TEX48: variants seen among roughly 807,000 people sequenced by gnomAD.
TEX48 encodes testis-expressed protein 48.
A neutral mutation model predicts 13.2 loss-of-function variants in TEX48; 10 were observed. The observed-to-expected ratio is 0.75, with a 90% CI of 0.47 to 1.28. The LOEUF (loss-of-function observed/expected upper bound fraction) is 1.28. Ranked by LOEUF, TEX48 falls within the 50% of genes most tolerant of loss-of-function variation. The pLI is 0.00. For synonymous variants in TEX48, 45 were observed against 52.3 expected (o/e 0.86, Z 0.60); for missense variants, 116 against 139.4 (o/e 0.83, Z 0.84).
At chr9:114,667,927 A>AAAAAG (rs71492790) in intron 4 of TEX48, among the ~76,000 whole-genome samples, 1 of 150,798 alleles carries the variant, frequency 6.6e-6, no homozygotes, top group Non-Finnish European at 1.5e-5. Flanking sequence ...AAAAAAAAAA[A>AAAAAG]GATGATGCCA....
At chr9:114,680,121 CTT>C (rs1222465975) in intron 1 of TEX48, among the ~76,000 whole-genome samples, 2 of 44,592 alleles carry the variant, frequency 4.5e-5, no homozygotes, top group Non-Finnish European at 4.1e-5. Context: ...GTCATTGTCC[CTT>C]TTTTTTTTTT....
chr9:114,676,783 A>G (rs1828080571), intron 1 of TEX48, among the ~76,000 whole-genome samples: 1 of 151,626 alleles, frequency 6.6e-6, no homozygotes, highest in Non-Finnish European at 1.5e-5. Flanking sequence ...CGCCTGGCTA[A>G]TTTTTTGTAT....
At chr9:114,676,709 C>T (rs563349612) in intron 1 of TEX48, among the ~76,000 whole-genome samples, 2 of 151,950 alleles carry the variant, frequency 1.3e-5, no homozygotes, top group East Asian at 1.9e-4. Context: ...CTCCGCCTCC[C>T]GGGTTCACGC....
chr9:114,667,154 A>G (rs1382842500), intron 4 of TEX48, among the ~76,000 whole-genome samples: 1 of 152,166 alleles, frequency 6.6e-6, no homozygotes, highest in Non-Finnish European at 1.5e-5. Context: ...TACCTTCTCA[A>G]GCTTGATTCA....
chr9:114,679,729 T>G (rs978124242), intron 1 of TEX48, among the ~76,000 whole-genome samples: 1 of 152,194 alleles, frequency 6.6e-6, no homozygotes, highest in Non-Finnish European at 1.5e-5. Flanking sequence ...GAAACCCTTC[T>G]TGGGGGTTTA....
At chr9:114,675,562 C>T (rs1185734785) in intron 1 of TEX48, among the ~76,000 whole-genome samples, 3 of 152,174 alleles carry the variant, frequency 2.0e-5, no homozygotes, top group African/African-American at 7.2e-5. Context: ...TTGCCATTTC[C>T]TTCACCGTAG....
At chr9:114,681,894 G>A (rs1828208425) in intron 1 of TEX48, 141 bp downstream of exon 1, 1 of 152,342 alleles carries the variant, frequency 6.6e-6, no homozygotes, top group Non-Finnish European at 1.5e-5. Context: ...GAGAAACAGT[G>A]AGGTTAGAGC....
At chr9:114,677,169 G>A (rs1828089510) in intron 1 of TEX48, among the ~76,000 whole-genome samples, 1 of 152,102 alleles carries the variant, frequency 6.6e-6, no homozygotes, top group Non-Finnish European at 1.5e-5. Context: ...CAAAGTGGGG[G>A]CACTCACTAG....
chr9:114,667,859 C>T (rs4979450), intron 4 of TEX48, among the ~76,000 whole-genome samples: 103,987 of 147,262 alleles, frequency 0.71, 37,471 homozygotes, highest in African/African-American at 0.85. Flanking sequence ...AGATTGGAGA[C>T]TGCACCACTG....
At chr9:114,680,131 T>C (rs546945337) in intron 1 of TEX48, among the ~76,000 whole-genome samples, 27 of 144,142 alleles carry the variant, frequency 1.9e-4, no homozygotes, top group African/African-American at 6.1e-4. Flanking sequence ...CTTTTTTTTT[T>C]TTTTTTTTTT....
At chr9:114,666,947 G>A (rs2282003) in intron 4 of TEX48, among the ~76,000 whole-genome samples, 62,975 of 152,018 alleles carry the variant, frequency 0.41, 13,268 homozygotes, top group Admixed American at 0.49. Context: ...ATTGTGTTAC[G>A]TTGGTGGCTT....
chr9:114,670,513 A>G (rs1018528974), intron 3 of TEX48, among the ~76,000 whole-genome samples: 2 of 151,394 alleles, frequency 1.3e-5, no homozygotes, highest in South Asian at 4.2e-4. Flanking sequence ...TCTGTCTGAA[A>G]TTGTTGATTT....
Position 114,668,284 on chromosome 9 carries a change from C to T in TEX48, c.181G>A (p.Ala61Thr), listed in dbSNP as rs910651353. 7.7e-5 allele frequency: 118 copies of T among 1,535,648 alleles called. 1 individual carries two copies. Among genetic ancestry groups the T allele is most frequent in the African/African-American group, 7.4e-4 (54 of 73,132 alleles). The change falls in exon 4 of 5, where the codon GCA (alanine) becomes ACA (threonine). Residue 61 changes from alanine to threonine, a missense_variant. Physicochemically the swap from Ala to Thr is moderately conservative, Grantham distance 58. Transcript: ENST00000436752. ...LDRQNPKRIN[A>T]VSHLPSRTPL... ...GTTCTCGAAGGCAAATGGGAGACTGCGTTAATGCGCTTGGGATTTTGTCTG... is the reference window on the plus strand; with the variant it reads ...GTTCTCGAAGGCAAATGGGAGACTGTGTTAATGCGCTTGGGATTTTGTCTG...
chr9:114,675,723 A>G (rs956044290), intron 1 of TEX48, among the ~76,000 whole-genome samples: 2 of 152,156 alleles, frequency 1.3e-5, no homozygotes, highest in Non-Finnish European at 2.9e-5. Flanking sequence ...GGGGGTCCCC[A>G]AGTCTGCAGA....
intron 3 of TEX48, 99 bp from the exon 4 acceptor site, chr9:114,668,436 G>T: frequency 1.9e-6 from 2 of 1,076,904 alleles, no homozygotes; most frequent in South Asian, 2.7e-5. Context: ...ACACAGGCAA[G>T]TGGGGGTTAT....
At chr9:114,679,498 T>G (rs1049194000) in intron 1 of TEX48, among the ~76,000 whole-genome samples, 1 of 152,130 alleles carries the variant, frequency 6.6e-6, no homozygotes, top group Admixed American at 6.6e-5. Flanking sequence ...ATTTTCCTAT[T>G]TTGCCTCTAA....
intron 1 of TEX48, among the ~76,000 whole-genome samples, chr9:114,676,588 T>C (rs148101924): frequency 9.8e-4 from 149 of 151,874 alleles, no homozygotes; most frequent in African/African-American, 3.5e-3. Context: ...GATAGACAAA[T>C]GTCCATGGAA....
intron 1 of TEX48, among the ~76,000 whole-genome samples, chr9:114,679,622 C>T (rs1488782824): frequency 6.6e-6 from 1 of 152,162 alleles, no homozygotes; most frequent in East Asian, 1.9e-4. Context: ...ATAATTAAGA[C>T]TAATTGTTCT....
intron 1 of TEX48, among the ~76,000 whole-genome samples, chr9:114,674,651 TTCCTTCCTTC>T (rs1564317151): frequency 5.5e-5 from 7 of 127,308 alleles, no homozygotes; most frequent in African/African-American, 2.5e-4. Flanking sequence ...CCTTCCTTCC[TTCCTTCCTTC>T]CTTCCTTCTT....
Sources: gnomAD v4.1 joint callset for allele counts (sites outside exome capture counted in the v4.1 genomes callset) on GRCh38, gnomAD v4.1.1 for gene constraint, MANE v1.5 for transcripts, NCBI Gene and HGNC (gene_info 2026-07-23, HGNC 2026-07-21) for gene names.